The following AIDA variants were observed in gnomAD, a reference collection of about 807,000 sequenced individuals.
The protein encoded by AIDA is axin interactor, dorsalization-associated protein.
A neutral mutation model predicts 42.7 loss-of-function variants in AIDA; 18 were observed. The ratio of observed to expected loss-of-function variants is 0.42; its 90% CI spans 0.29 to 0.63. The LOEUF is 0.63. Ranked by LOEUF, AIDA falls within the 20% of genes least tolerant of loss-of-function variation. The pLI, the probability that AIDA is intolerant of heterozygous loss-of-function variation, is 0.19. For missense variants in AIDA, 250 were observed against 354.1 expected (o/e 0.71, Z 2.36); for synonymous variants, 104 against 122.9 (o/e 0.85, Z 1.02).
chr1:222,687,100 C>T (rs897806279), intron 5 of AIDA, 64 bp from the exon 6 acceptor site: 1 of 1,565,984 alleles, frequency 6.4e-7, no homozygotes, highest in Non-Finnish European at 8.7e-7. Flanking sequence ...TGAAGCCTCA[C>T]AGACACTCGT....
At chr1:222,670,659 G>A (rs1188127723) in intron 8 of AIDA, among the ~76,000 whole-genome samples, 6 of 152,088 alleles carry the variant, frequency 3.9e-5, no homozygotes, top group African/African-American at 1.2e-4. Flanking sequence ...ATTTAAGCTC[G>A]AATTGTTTCC....
chr1:222,676,246 C>A, intron 6 of AIDA, 28 bp from the exon 7 acceptor site: 1 of 1,594,656 alleles, frequency 6.3e-7, no homozygotes, highest in African/African-American at 1.4e-5. Flanking sequence ...GCAATAAAAG[C>A]TCCATATCAT....
Position 222,677,164 on chromosome 1 carries a change from C to T in AIDA, c.461-946G>A, listed in dbSNP as rs150565895. On this transcript the variant is annotated intron_variant, in intron 6 of 9. Transcript: ENST00000340020. ...TGATATTTTCTGATACTATTATAGA[C>T]GTTATAATATTTCATTTTCTGAGCA... is the stretch of plus-strand genomic sequence containing the variant. Among the ~76,000 whole-genome samples, 124 of 151,846 alleles carry T rather than the reference C, an allele frequency of 8.2e-4. 1 individual carries two copies. The highest frequency in any genetic ancestry group is 2.8e-3 in the African/African-American group (116 of 41,440).
intron 8 of AIDA, 95 bp downstream of exon 8, chr1:222,673,218 C>A: frequency 8.7e-7 from 1 of 1,143,922 alleles, no homozygotes; most frequent in Non-Finnish European, 1.2e-6. Context: ...TTACTTCTGC[C>A]AGATACTAAC....
intron 1 of AIDA, chr1:222,711,859 G>A (rs905759099): frequency 3.9e-6 from 1 of 257,084 alleles, no homozygotes; most frequent in East Asian, 1.3e-4. Flanking sequence ...CCTGGGAGAG[G>A]AGGAGGAAAG....
chr1:222,709,409 T>C (rs11487858), intron 1 of AIDA, among the ~76,000 whole-genome samples: 142,324 of 152,144 alleles, frequency 0.94, 66,670 homozygotes, highest in East Asian at 1. Flanking sequence ...CCAGCCTGGG[T>C]GACAGAGCAA....
chr1:222,698,488 G>A (rs1019725885), intron 2 of AIDA, among the ~76,000 whole-genome samples: 1 of 110,426 alleles, frequency 9.1e-6, no homozygotes, highest in African/African-American at 3.6e-5. Context: ...TTTCACTCTT[G>A]TTGCCCAGGC....
intron 6 of AIDA, among the ~76,000 whole-genome samples, chr1:222,679,603 A>AT (rs1159781481): frequency 8.5e-5 from 13 of 152,228 alleles, no homozygotes; most frequent in African/African-American, 2.7e-4. Flanking sequence ...ATAGCACCCT[A>AT]TAACAAGGTG....
At chr1:222,681,297 T>A (rs542648201) in intron 6 of AIDA, among the ~76,000 whole-genome samples, 2 of 152,274 alleles carry the variant, frequency 1.3e-5, no homozygotes, top group African/African-American at 4.8e-5. Context: ...TTCTCACAAA[T>A]AAAATGAAAA....
intron 2 of AIDA, among the ~76,000 whole-genome samples, chr1:222,697,713 G>C (rs538742731): frequency 6.6e-6 from 1 of 152,076 alleles, no homozygotes. Flanking sequence ...TTGCTAAAAC[G>C]TATTCAATCT....
At position 222,693,941 on chromosome 1, in the gene AIDA, T is replaced by C. The variant is rs945791002; in HGVS notation, c.235-98A>G. On this transcript the variant is annotated intron_variant, in intron 3 of 9. Transcript: ENST00000340020. Reference sequence around the variant, plus strand: ...GAACCAAATATTCAAAAGGATTCTATTTCTTGCTTTCAAGGTAGAAAATGA... The same window carrying C: ...GAACCAAATATTCAAAAGGATTCTACTTCTTGCTTTCAAGGTAGAAAATGA... 2.8e-6 allele frequency: 3 copies of C among 1,090,736 alleles called. No homozygotes were observed. The African/African-American group carries it at 4.7e-5, about 17-fold the overall frequency. The allele number at this position is 1,090,736 out of a possible 1,614,324, so 67.6% of individuals were successfully genotyped here. A position where few individuals can be genotyped will look rare whatever the true frequency, so the allele number is the denominator to read the frequency against.
At chr1:222,700,149 T>C (rs980290309) in intron 2 of AIDA, among the ~76,000 whole-genome samples, 3 of 152,182 alleles carry the variant, frequency 2.0e-5, no homozygotes, top group South Asian at 2.1e-4. Context: ...GTCCAAAGAA[T>C]AGGCAGGCAG....
At chr1:222,692,464 T>C (rs1655397614) in intron 4 of AIDA, among the ~76,000 whole-genome samples, 2 of 152,224 alleles carry the variant, frequency 1.3e-5, no homozygotes, top group South Asian at 4.1e-4. Context: ...ACTTGTTTCA[T>C]TTTTGTGGTA....
chr1:222,686,314 C>T (rs184103311), intron 6 of AIDA, among the ~76,000 whole-genome samples: 1 of 152,350 alleles, frequency 6.6e-6, no homozygotes, highest in Admixed American at 6.5e-5. Flanking sequence ...GGGTTCCCAC[C>T]ATTCCCTGAT....
intron 8 of AIDA, among the ~76,000 whole-genome samples, chr1:222,672,076 A>G (rs1664459004): frequency 1.3e-5 from 2 of 152,226 alleles, no homozygotes; most frequent in African/African-American, 4.8e-5. Context: ...GATTAAGTTA[A>G]AATGTTTGTA....
intron 2 of AIDA, among the ~76,000 whole-genome samples, chr1:222,699,654 T>C (rs1571938950): frequency 6.6e-6 from 1 of 152,358 alleles, no homozygotes; most frequent in African/African-American, 2.4e-5. Context: ...TCTAATCATT[T>C]ATTAACTTAG....
chr1:222,705,784 T>G (rs1435157926), intron 1 of AIDA, among the ~76,000 whole-genome samples: 1 of 152,022 alleles, frequency 6.6e-6, no homozygotes, highest in Non-Finnish European at 1.5e-5. Context: ...CTGTGGAGGC[T>G]GAGGCAGGAG....
intron 2 of AIDA, among the ~76,000 whole-genome samples, chr1:222,695,861 T>A (rs1258991125): frequency 6.6e-6 from 1 of 152,234 alleles, no homozygotes; most frequent in Non-Finnish European, 1.5e-5. Flanking sequence ...AAAAGTTTAG[T>A]AAATTGGACT....
intron 6 of AIDA, among the ~76,000 whole-genome samples, chr1:222,678,679 T>A (rs1409506873): frequency 6.6e-6 from 1 of 152,148 alleles, no homozygotes; most frequent in African/African-American, 2.4e-5. Context: ...ACATTTCATC[T>A]CCACCATGAA....
Sources: gnomAD v4.1 joint callset for allele counts (sites outside exome capture counted in the v4.1 genomes callset) on GRCh38, gnomAD v4.1.1 for gene constraint, MANE v1.5 for transcripts, NCBI Gene and HGNC (gene_info 2026-07-23, HGNC 2026-07-21) for gene names.